The following DLEU7 variants were observed in gnomAD, a reference collection of about 807,000 sequenced individuals.
DLEU7 encodes leukemia-associated protein 7.
Under a neutral mutation model 16.0 loss-of-function variants are expected in DLEU7, and 17 were observed. The ratio of observed to expected loss-of-function variants is 1.06; its 90% confidence interval spans 0.73 to 1.59. The LOEUF (loss-of-function observed/expected upper bound fraction) is 1.59. Ranked by LOEUF, DLEU7 falls within the 40% of genes most tolerant of loss-of-function variation. The pLI is 0.00. For missense variants in DLEU7, 308 were observed against 314.9 expected, an observed-to-expected ratio of 0.98 and a Z score of 0.17; for synonymous variants, 113 against 139.8, an observed-to-expected ratio of 0.81 and a Z score of 1.35.
intron 1 of DLEU7, among the ~76,000 whole-genome samples, chr13:50,839,731 T>C (rs566945242): frequency 6.6e-6 from 1 of 152,282 alleles, no homozygotes; most frequent in South Asian, 2.1e-4. Context: ...ATATCAAGAA[T>C]AGAATTCACA....
chr13:50,748,943 G>A (rs980900217), intron 1 of DLEU7, among the ~76,000 whole-genome samples: 7 of 152,004 alleles, frequency 4.6e-5, no homozygotes, highest in African/African-American at 1.7e-4. Context: ...TTGGTTACAT[G>A]AGTAAGTTCT....
chr13:50,792,849 C>A (rs1316082535), intron 1 of DLEU7, among the ~76,000 whole-genome samples: 1 of 148,700 alleles, frequency 6.7e-6, no homozygotes, highest in African/African-American at 2.5e-5. Context: ...GGTTTTCTTG[C>A]ATTCTTTGCT....
chr13:50,717,308 G>GTT (rs1566227488), intron 1 of DLEU7, among the ~76,000 whole-genome samples: 1 of 152,232 alleles, frequency 6.6e-6, no homozygotes, highest in East Asian at 1.9e-4. Flanking sequence ...GCTGGACACA[G>GTT]ATGGTAAGTG....
chr13:50,832,678 G>A (rs781423795), intron 1 of DLEU7, among the ~76,000 whole-genome samples: 1 of 152,146 alleles, frequency 6.6e-6, no homozygotes, highest in South Asian at 2.1e-4. Context: ...CTGGTACATT[G>A]TATCTTTGTT....
intron 1 of DLEU7, among the ~76,000 whole-genome samples, chr13:50,720,323 A>C (rs925078219): frequency 3.9e-5 from 6 of 152,168 alleles, no homozygotes; most frequent in African/African-American, 1.4e-4. Context: ...CCTTCTTCAT[A>C]TGTCAGCCAA....
At chr13:50,823,572 ATTG>A (rs545090227) in intron 1 of DLEU7, 52 bp from the exon 2 acceptor site, 117 of 1,523,072 alleles carry the variant, frequency 7.7e-5, no homozygotes, top group Non-Finnish European at 5.6e-5. Flanking sequence ...ATGGGGGCCA[ATTG>A]TTGTACTTTG....
intron 1 of DLEU7, chr13:50,839,890 T>C (rs1193583567): frequency 1.3e-5 from 2 of 152,164 alleles, no homozygotes; most frequent in African/African-American, 4.8e-5. Flanking sequence ...TAGATACCAT[T>C]GTCCTCACTA....
intron 1 of DLEU7, among the ~76,000 whole-genome samples, chr13:50,802,556 C>A (rs1368747424): frequency 1.3e-5 from 2 of 152,140 alleles, no homozygotes; most frequent in East Asian, 1.9e-4. Context: ...CAATATATAT[C>A]AAAAATTGAA....
chr13:50,779,100 G>A (rs770413314), intron 1 of DLEU7, among the ~76,000 whole-genome samples: 5 of 152,136 alleles, frequency 3.3e-5, no homozygotes, highest in Non-Finnish European at 5.9e-5. Context: ...TACCTCAAAG[G>A]CTTCTAGTCC....
At chr13:50,817,328 A>G (rs1172427180) in intron 1 of DLEU7, among the ~76,000 whole-genome samples, 2 of 152,168 alleles carry the variant, frequency 1.3e-5, no homozygotes, top group Non-Finnish European at 2.9e-5. Context: ...TACCATTTCT[A>G]TTGAGCAAAG....
chr13:50,722,276 C>T (rs1169846422), intron 1 of DLEU7, among the ~76,000 whole-genome samples: 1 of 152,166 alleles, frequency 6.6e-6, no homozygotes, highest in Non-Finnish European at 1.5e-5. Flanking sequence ...TCCTGTGTTT[C>T]TGTATCATTA....
intron 1 of DLEU7, among the ~76,000 whole-genome samples, chr13:50,810,097 G>A (rs1466475294): frequency 1.3e-5 from 2 of 148,320 alleles, no homozygotes; most frequent in African/African-American, 2.5e-5. Flanking sequence ...CCATTGATAC[G>A]TCTGTGGATG....
intron 1 of DLEU7, among the ~76,000 whole-genome samples, chr13:50,762,324 A>G (rs374392514): frequency 2.0e-5 from 3 of 152,168 alleles, no homozygotes; most frequent in East Asian, 1.9e-4. Flanking sequence ...GACTATCACA[A>G]GCAGGGATTT....
chr13:50,834,431 CAA>C (rs141707617), intron 1 of DLEU7, among the ~76,000 whole-genome samples: 84,915 of 147,506 alleles, frequency 0.58, 24,130 homozygotes, highest in African/African-American at 0.67. Flanking sequence ...CAAACATATG[CAA>C]AAAAAAAAAA....
Position 50,823,425 on chromosome 13 carries a change from C to G in DLEU7, c.555G>C (p.Leu185Phe), listed in dbSNP as rs556347416. The G allele has an allele frequency of 3.9e-6, 6 of 1,535,796 alleles. No homozygotes were observed. Among genetic ancestry groups the G allele is most frequent in the Non-Finnish European group, 5.2e-6 (6 of 1,146,732 alleles). ...GAATCAGCTTCTTGACTATTGTCTTCAAACACTGGTGGGCAGCATTCAAGT... is the reference window on the plus strand; with the variant it reads ...GAATCAGCTTCTTGACTATTGTCTTGAAACACTGGTGGGCAGCATTCAAGT... Reference protein sequence around the residue: ...DRDLNAAHQCLKTIVKKLIQS... With the variant: ...DRDLNAAHQCFKTIVKKLIQS... The change falls in exon 2 of 2, where the codon TTG becomes TTC. Residue 185 changes from leucine to phenylalanine, a missense_variant. Physicochemically the swap from Leu to Phe is conservative, Grantham distance 22. Coordinates refer to ENST00000504404, the MANE Select transcript of DLEU7 (RefSeq NM_001306135.2).
At position 50,823,330 on chromosome 13, in the gene DLEU7, T is replaced by A; in HGVS notation, c.650A>T (p.Asn217Ile). ...ACASLRQILQ[N>I]LPDI The stretch of plus-strand genomic sequence containing the variant: ...CTTTAACACTCATATGTCTGGGAGA[T>A]TCTGTAAGATCTGTCTCAAGGAAGC... The change falls in exon 2 of 2, where the codon AAT becomes ATT. Residue 217 changes from asparagine to isoleucine, a missense_variant. Asn to Ile is a moderately radical substitution (Grantham distance 149). Transcript: ENST00000504404. 1 of 1,535,688 alleles carries A rather than the reference T, an allele frequency of 6.5e-7. No homozygotes were observed. Among genetic ancestry groups the A allele is most frequent in the Non-Finnish European group, 8.7e-7 (1 of 1,146,548 alleles).
intron 1 of DLEU7, among the ~76,000 whole-genome samples, chr13:50,831,894 T>C (rs1055925960): frequency 5.3e-5 from 8 of 152,158 alleles, no homozygotes; most frequent in African/African-American, 1.9e-4. Context: ...TGCCAGTATT[T>C]TACTGAGGAT....
Position 50,748,390 on chromosome 13 carries a change from T to C in DLEU7, c.460-35150A>G, listed in dbSNP as rs114814395. On this transcript the variant is annotated intron_variant, in intron 1 of 1. Transcript: ENST00000400393. The stretch of plus-strand genomic sequence containing the variant: ...CTGGGTCATTGGTAAATTATACTTT[T>C]AAAAATATAAATACTCTATTCCTTG... Among the ~76,000 whole-genome samples the C allele has an allele frequency of 1.0e-3, 154 of 152,248 alleles. 1 individual carries two copies. The highest frequency in any genetic ancestry group is 3.5e-3 in the African/African-American group (146 of 41,560).
At chr13:50,738,019 T>A (rs751223548) in intron 1 of DLEU7, among the ~76,000 whole-genome samples, 2 of 152,148 alleles carry the variant, frequency 1.3e-5, no homozygotes, top group African/African-American at 2.4e-5. Context: ...GATTGCTTAT[T>A]GCTGATATGG....
Sources: gnomAD v4.1 joint callset for allele counts (sites outside exome capture counted in the v4.1 genomes callset) on GRCh38, gnomAD v4.1.1 for gene constraint, MANE v1.5 for transcripts, NCBI Gene and HGNC (gene_info 2026-07-23, HGNC 2026-07-21) for gene names.